Variants in PLXNA2 observed in about 807,000 individuals in gnomAD.
PLXNA2 encodes the protein plexin-A2.
Under a neutral mutation model 193.5 loss-of-function variants are expected in PLXNA2, and 91 were observed. That is an observed-to-expected ratio of 0.47 (90% CI 0.40 to 0.56). PLXNA2 has a LOEUF of 0.56. Ranked by LOEUF, PLXNA2 falls within the 20% of genes least tolerant of loss-of-function variation. PLXNA2 has a pLI of 0.00. For missense variants in PLXNA2, 1,995 were observed against 2,503.2 expected, an observed-to-expected ratio of 0.80 and a Z score of 4.33; for synonymous variants, 997 against 1,027.3, an observed-to-expected ratio of 0.97 and a Z score of 0.56.
intron 1 of PLXNA2, among the ~76,000 whole-genome samples, chr1:208,239,613 A>G (rs1192346677): frequency 1.3e-5 from 2 of 152,176 alleles, no homozygotes; most frequent in Non-Finnish European, 2.9e-5. Context: ...ACAGCCACCC[A>G]CAAGCCAGAT....
intron 4 of PLXNA2, among the ~76,000 whole-genome samples, chr1:208,114,165 C>G (rs538763729): frequency 6.6e-6 from 1 of 152,198 alleles, no homozygotes; most frequent in African/African-American, 2.4e-5. Flanking sequence ...TGCCTCCCAA[C>G]AGAGCTCTAG....
At chr1:208,228,154 T>G (rs1461948518) in intron 1 of PLXNA2, among the ~76,000 whole-genome samples, 1 of 152,142 alleles carries the variant, frequency 6.6e-6, no homozygotes, top group Non-Finnish European at 1.5e-5. Context: ...GAGACCCAGG[T>G]GAGAGAACTT....
chr1:208,086,948 ACTCTCTCTCTCTCTCTCT>A (rs59683728), intron 9 of PLXNA2, among the ~76,000 whole-genome samples: 1 of 134,596 alleles, frequency 7.4e-6, no homozygotes, highest in Non-Finnish European at 1.6e-5. Context: ...TCTCTCTCGC[ACTCTCTCTCTCTCTCTCT>A]CTCTCTCTCT....
At chr1:208,141,785 G>C (rs1318910611) in intron 4 of PLXNA2, among the ~76,000 whole-genome samples, 1 of 152,202 alleles carries the variant, frequency 6.6e-6, no homozygotes, top group African/African-American at 2.4e-5. Flanking sequence ...TTGCTCAGCT[G>C]TTTCCCTACA....
At chr1:208,186,708 A>ATTTTGTTTTTTGTTT (rs368056918) in intron 3 of PLXNA2, among the ~76,000 whole-genome samples, 3 of 111,696 alleles carry the variant, frequency 2.7e-5, no homozygotes, top group African/African-American at 9.0e-5. Flanking sequence ...TTGCAATGTT[A>ATTTTGTTTTTTGTTT]TTTTATTTTT....
intron 3 of PLXNA2, among the ~76,000 whole-genome samples, chr1:208,176,865 T>TC (rs1239368904): frequency 6.6e-6 from 1 of 152,158 alleles, no homozygotes; most frequent in African/African-American, 2.4e-5. Context: ...CCTACTCCCT[T>TC]CCTCCTTGAG....
At chr1:208,077,471 T>C (rs866742171) in intron 12 of PLXNA2, among the ~76,000 whole-genome samples, 2 of 151,496 alleles carry the variant, frequency 1.3e-5, no homozygotes, top group African/African-American at 2.4e-5. Context: ...AGTTGGGGAG[T>C]GGATGGTGCA....
intron 3 of PLXNA2, among the ~76,000 whole-genome samples, chr1:208,194,867 C>T (rs1670307173): frequency 6.6e-6 from 1 of 152,182 alleles, no homozygotes; most frequent in African/African-American, 2.4e-5. Context: ...TTTTCTGGAG[C>T]AAAGCTGGCT....
intron 4 of PLXNA2, among the ~76,000 whole-genome samples, chr1:208,105,289 T>A (rs1367924939): frequency 6.6e-6 from 1 of 152,204 alleles, no homozygotes; most frequent in Non-Finnish European, 1.5e-5. Flanking sequence ...GCAGTGGGAC[T>A]CATGGGTGAA....
intron 3 of PLXNA2, among the ~76,000 whole-genome samples, chr1:208,186,765 T>C (rs1420423422): frequency 6.9e-6 from 1 of 144,558 alleles, no homozygotes; most frequent in Non-Finnish European, 1.5e-5. Context: ...CAGGCGGGAC[T>C]GCGGACTGCA....
chr1:208,112,792 T>G (rs1446687165), intron 4 of PLXNA2, among the ~76,000 whole-genome samples: 1 of 152,144 alleles, frequency 6.6e-6, no homozygotes, highest in Non-Finnish European at 1.5e-5. Context: ...CTCAGGATCC[T>G]TGGCTGAAAG....
At chr1:208,027,566 GT>G (rs905290520) in intron 31 of PLXNA2, among the ~76,000 whole-genome samples, 11 of 152,208 alleles carry the variant, frequency 7.2e-5, no homozygotes, top group Admixed American at 6.5e-4. Flanking sequence ...TGCTATGCAA[GT>G]GTTAATTATT....
At chr1:208,183,704 G>GC (rs1471000624) in intron 3 of PLXNA2, among the ~76,000 whole-genome samples, 2 of 152,094 alleles carry the variant, frequency 1.3e-5, no homozygotes, top group African/African-American at 4.8e-5. Flanking sequence ...ACCAAGAGAG[G>GC]CCCGTCTGAT....
chr1:208,095,994 G>A (rs763448317), intron 8 of PLXNA2, 35 bp downstream of exon 8: 60 of 1,520,936 alleles, frequency 3.9e-5, no homozygotes, highest in Non-Finnish European at 1.8e-6. Context: ...CCCACATCCA[G>A]ACCCAGAGCA....
chr1:208,099,372 G>A (rs919412630), intron 5 of PLXNA2, among the ~76,000 whole-genome samples: 1 of 152,200 alleles, frequency 6.6e-6, no homozygotes, highest in African/African-American at 2.4e-5. Context: ...CCCTGTTATA[G>A]AATTTTGGGG....
chr1:208,079,115 C>G, intron 12 of PLXNA2, 145 bp downstream of exon 12: 1 of 654,140 alleles, frequency 1.5e-6, no homozygotes. Flanking sequence ...TTAAGACACA[C>G]GCGAGAGGTT....
At chr1:208,184,338 C>T (rs866285345) in intron 3 of PLXNA2, among the ~76,000 whole-genome samples, 39 of 152,120 alleles carry the variant, frequency 2.6e-4, no homozygotes, top group Admixed American at 1.8e-3. Flanking sequence ...GGGACGCTGT[C>T]TGTAGCAAAA....
At chr1:208,097,953 C>T (rs1157191253) in intron 6 of PLXNA2, among the ~76,000 whole-genome samples, 3 of 152,154 alleles carry the variant, frequency 2.0e-5, no homozygotes, top group Non-Finnish European at 2.9e-5. Context: ...ACCCTCTCCA[C>T]CTCAGCCTCC....
chr1:208,101,303 T>C (rs1285683137), intron 5 of PLXNA2, among the ~76,000 whole-genome samples: 1 of 152,086 alleles, frequency 6.6e-6, no homozygotes. Flanking sequence ...GAGGCCACCG[T>C]GGGGACCCGG....
Sources: allele counts gnomAD v4.1 joint callset (sites outside exome capture counted in the v4.1 genomes callset), GRCh38; gene constraint gnomAD v4.1.1; transcripts MANE v1.5; gene names NCBI Gene and HGNC (gene_info 2026-07-23, HGNC 2026-07-21).